The following SRD5A2 variants were observed in gnomAD, a reference collection of about 807,000 sequenced individuals.
SRD5A2 encodes 3-oxo-5-alpha-steroid 4-dehydrogenase 2.
SRD5A2 carries 30 observed loss-of-function variants against 27.4 expected under a neutral mutation model. That is an observed-to-expected ratio of 1.10 (90% CI 0.82 to 1.49). SRD5A2 has a LOEUF of 1.49. Ranked by LOEUF, SRD5A2 falls within the 40% of genes most tolerant of loss-of-function variation. The pLI is 0.00. For synonymous variants in SRD5A2, 141 were observed against 133.6 expected, an observed-to-expected ratio of 1.06 and a Z score of -0.38; for missense variants, 348 against 323.4, an observed-to-expected ratio of 1.08 and a Z score of -0.58.
chr2:31,558,961 A>G (rs1450707979), intron 1 of SRD5A2, among the ~76,000 whole-genome samples: 1 of 152,206 alleles, frequency 6.6e-6, no homozygotes, highest in African/African-American at 2.4e-5. Flanking sequence ...ATTTCCAAAT[A>G]AGGTCATAGT....
chr2:31,531,052 C>A (rs2148064825), intron 3 of SRD5A2, among the ~76,000 whole-genome samples: 1 of 152,352 alleles, frequency 6.6e-6, no homozygotes, highest in East Asian at 1.9e-4. Context: ...GCCCTCTGTA[C>A]ATGACAACCT....
the SRD5A2 span, among the ~76,000 whole-genome samples, chr2:31,652,972 T>A: frequency 6.6e-6 from 1 of 152,140 alleles, no homozygotes; most frequent in South Asian, 2.1e-4. Flanking sequence ...GAACAAAGGA[T>A]TTGCTCCTTC....
chr2:31,528,911 C>T (rs1558355581), intron 4 of SRD5A2, among the ~76,000 whole-genome samples: 4 of 152,206 alleles, frequency 2.6e-5, no homozygotes, highest in Non-Finnish European at 4.4e-5. Context: ...GCTTCTTCCG[C>T]TTCTTGAGGC....
the SRD5A2 span, among the ~76,000 whole-genome samples, chr2:31,661,354 C>T: frequency 6.6e-6 from 1 of 152,106 alleles, no homozygotes; most frequent in Non-Finnish European, 1.5e-5. Flanking sequence ...TCCACAAGAA[C>T]TCAGTAGCAA....
the SRD5A2 span, among the ~76,000 whole-genome samples, chr2:31,627,345 TC>T: frequency 0.09 from 13,639 of 152,052 alleles, 726 homozygotes; most frequent in Middle Eastern, 0.18. Context: ...TTTAATTGCA[TC>T]TTCTTTTCTT....
upstream of SRD5A2, among the ~76,000 whole-genome samples, chr2:31,582,182 C>T (rs1054488579): frequency 2.0e-5 from 3 of 152,168 alleles, no homozygotes; most frequent in East Asian, 3.9e-4. Flanking sequence ...TTCACTCTTC[C>T]CTTACTTTGG....
chr2:31,592,142 C>A, the SRD5A2 span, among the ~76,000 whole-genome samples: 1 of 150,266 alleles, frequency 6.7e-6, no homozygotes, highest in African/African-American at 2.4e-5. Flanking sequence ...TATAAAAACA[C>A]AGGAGTTTCA....
At chr2:31,592,861 T>A in the SRD5A2 span, among the ~76,000 whole-genome samples, 1 of 152,148 alleles carries the variant, frequency 6.6e-6, no homozygotes, top group African/African-American at 2.4e-5. Context: ...AGATAAAGAA[T>A]TTAGAATGTT....
At chr2:31,587,927 A>T in the SRD5A2 span, among the ~76,000 whole-genome samples, 1 of 152,210 alleles carries the variant, frequency 6.6e-6, no homozygotes, top group South Asian at 2.1e-4. Flanking sequence ...TAAAAATTTT[A>T]AAAAGAATCA....
the SRD5A2 span, among the ~76,000 whole-genome samples, chr2:31,623,415 T>C: frequency 1.3e-5 from 2 of 152,046 alleles, no homozygotes; most frequent in African/African-American, 4.8e-5. Flanking sequence ...CAAATGCAAA[T>C]TTCAACAATG....
At chr2:31,635,018 C>T in the SRD5A2 span, among the ~76,000 whole-genome samples, 4 of 152,094 alleles carry the variant, frequency 2.6e-5, no homozygotes, top group Admixed American at 2.6e-4. Flanking sequence ...CTCTTTGATA[C>T]ATTGATTTCC....
chr2:31,648,750 G>A, the SRD5A2 span, among the ~76,000 whole-genome samples: 31 of 152,272 alleles, frequency 2.0e-4, no homozygotes, highest in Middle Eastern at 3.4e-3. Context: ...ACATCATTAC[G>A]AACACGGCTG....
Position 31,542,398 on chromosome 2 carries a change from G to A in SRD5A2, c.282-8632C>T, listed in dbSNP as rs1280218780. On this transcript the variant is annotated intron_variant, in intron 1 of 4. Transcript: ENST00000622030. ...TGGATGGCACACACCTGTAGTCCTA[G>A]CTACTCAAGAGGCTAAGGCAGAAGG... Among the ~76,000 whole-genome samples, 3 of 152,182 alleles carry A rather than the reference G, an allele frequency of 2.0e-5. No individual in the cohort carries two copies. In the East Asian group the frequency reaches 5.8e-4, roughly 29 times the overall value.
At chr2:31,658,790 A>T in the SRD5A2 span, among the ~76,000 whole-genome samples, 1 of 152,172 alleles carries the variant, frequency 6.6e-6, no homozygotes, top group African/African-American at 2.4e-5. Flanking sequence ...TATCAGATGT[A>T]TAAAGAAGAG....
chr2:31,636,811 T>A, the SRD5A2 span, among the ~76,000 whole-genome samples: 1 of 152,140 alleles, frequency 6.6e-6, no homozygotes, highest in Non-Finnish European at 1.5e-5. Flanking sequence ...CTTGTATCTC[T>A]GGAACAAATC....
At chr2:31,629,565 G>C in the SRD5A2 span, among the ~76,000 whole-genome samples, 35 of 152,120 alleles carry the variant, frequency 2.3e-4, no homozygotes, top group Non-Finnish European at 4.4e-4. Context: ...GGGCTTTCTA[G>C]CAATCCCCAA....
At position 31,580,808 on chromosome 2, in the gene SRD5A2, G is replaced by A. The variant is rs973491449; in HGVS notation, c.93C>T (p.Ser31=). Residue 31 remains serine (S), a synonymous_variant, in exon 1 of 5, where the codon TCC becomes TCT. Coordinates refer to ENST00000622030, the MANE Select transcript of SRD5A2 (RefSeq NM_000348.4). The part of the protein sequence containing the change: ...GALALYVAKP[S]GYGKHTESLK... ...GGCTCTCCGTGTGCTTCCCGTAGCC[G>A]GAGGGCTTCGCGACGTACAAGGCCA... 3.7e-6 allele frequency: 6 copies of A among 1,612,442 alleles called. No homozygotes were observed. Among genetic ancestry groups the A allele is most frequent in the East Asian group, 4.5e-5 (2 of 44,850 alleles).
chr2:31,541,538 T>G (rs2366062), intron 1 of SRD5A2, among the ~76,000 whole-genome samples: 6 of 152,152 alleles, frequency 3.9e-5, no homozygotes, highest in African/African-American at 1.4e-4. Context: ...AAACTGAACC[T>G]TGCAACAATG....
At chr2:31,653,117 C>T in the SRD5A2 span, among the ~76,000 whole-genome samples, 1 of 152,146 alleles carries the variant, frequency 6.6e-6, no homozygotes, top group South Asian at 2.1e-4. Flanking sequence ...TCCTCACCCC[C>T]ACCCCCAGTC....
Sources: gnomAD v4.1 joint callset for allele counts (sites outside exome capture counted in the v4.1 genomes callset) on GRCh38, gnomAD v4.1.1 for gene constraint, MANE v1.5 for transcripts, NCBI Gene and HGNC (gene_info 2026-07-23, HGNC 2026-07-21) for gene names.